Variants in TMEM232 observed in about 807,000 individuals in gnomAD.
TMEM232 encodes transmembrane protein 232.
A neutral mutation model predicts 78.8 loss-of-function variants in TMEM232; 80 were observed. The observed-to-expected ratio is 1.01, with a 90% CI of 0.85 to 1.22. The LOEUF (loss-of-function observed/expected upper bound fraction) is 1.22. Among genes scored for constraint, TMEM232 ranks in the 50% most tolerant of loss-of-function variants. The probability of loss-of-function intolerance (pLI) is 0.00; values close to 1 mark genes in which losing one functional copy is unlikely to be tolerated. For synonymous variants in TMEM232, 297 were observed against 254.3 expected, an observed-to-expected ratio of 1.17 and a Z score of -1.60; for missense variants, 881 against 742.2, an observed-to-expected ratio of 1.19 and a Z score of -2.17.
At chr5:110,698,509 C>T (rs1795067786) in intron 1 of TMEM232, among the ~76,000 whole-genome samples, 2 of 151,962 alleles carry the variant, frequency 1.3e-5, no homozygotes, top group African/African-American at 4.8e-5. Context: ...ATGGCATAGT[C>T]GGCAGAATTC....
intron 3 of TMEM232, among the ~76,000 whole-genome samples, chr5:110,391,060 G>A (rs1341000848): frequency 1.3e-5 from 2 of 152,138 alleles, no homozygotes; most frequent in Non-Finnish European, 2.9e-5. Flanking sequence ...CCTTTTGTTT[G>A]TTTATTAGTT....
chr5:110,598,974 C>T (rs1310733132), intron 10 of TMEM232, among the ~76,000 whole-genome samples: 1 of 151,482 alleles, frequency 6.6e-6, no homozygotes, highest in Admixed American at 6.6e-5. Flanking sequence ...AACTAACCTG[C>T]ACATTGTGCA....
At chr5:110,666,171 G>A (rs1790561780) in intron 2 of TMEM232, among the ~76,000 whole-genome samples, 1 of 152,072 alleles carries the variant, frequency 6.6e-6, no homozygotes, top group Admixed American at 6.6e-5. Flanking sequence ...TTTGAAATTT[G>A]TTTAAATGCA....
In TMEM232 at chr5:110,708,237, C is replaced by A. The variant is rs572473466; in HGVS notation, c.-13+18390G>T. On this transcript the variant is annotated intron_variant, in intron 1 of 13. Coordinates refer to ENST00000455884, the MANE Select transcript of TMEM232 (RefSeq NM_001039763.4). ...TCTTGGAATCCTGAATAGTATATAT[C>A]TGGTGAAAATATCCTTCAAGTATGA... Among the ~76,000 whole-genome samples the A allele has an allele frequency of 2.0e-5, 3 of 152,236 alleles. No individual in the cohort carries two copies. In the East Asian group the frequency reaches 5.8e-4, roughly 29 times the overall value.
At chr5:110,571,545 C>G (rs1371637106) in intron 10 of TMEM232, among the ~76,000 whole-genome samples, 2 of 151,872 alleles carry the variant, frequency 1.3e-5, no homozygotes, top group Admixed American at 6.6e-5. Flanking sequence ...AGAGGCCAGT[C>G]ATGGTGGCTC....
intron 12 of TMEM232, among the ~76,000 whole-genome samples, chr5:110,516,100 G>T (rs1001760550): frequency 6.6e-6 from 1 of 152,104 alleles, no homozygotes; most frequent in Non-Finnish European, 1.5e-5. Context: ...TTACCCGGGC[G>T]TGGTGGCAGG....
chr5:110,486,263 TG>T (rs1198399514), intron 12 of TMEM232, among the ~76,000 whole-genome samples: 1 of 152,072 alleles, frequency 6.6e-6, no homozygotes, highest in African/African-American at 2.4e-5. Flanking sequence ...TCCCACTCTG[TG>T]GGTTGTCTGT....
At chr5:110,652,074 C>G (rs1788393026) in intron 2 of TMEM232, among the ~76,000 whole-genome samples, 1 of 152,132 alleles carries the variant, frequency 6.6e-6, no homozygotes, top group Non-Finnish European at 1.5e-5. Context: ...AAGTATCACA[C>G]TCAAGGTTAT....
chr5:110,614,301 T>C (rs542249906), intron 8 of TMEM232, among the ~76,000 whole-genome samples: 27 of 152,256 alleles, frequency 1.8e-4, no homozygotes, highest in Middle Eastern at 6.8e-3. Context: ...GACAGTTGAA[T>C]GATGCATTGG....
At chr5:110,573,585 G>C (rs571449532) in intron 10 of TMEM232, among the ~76,000 whole-genome samples, 48 of 152,186 alleles carry the variant, frequency 3.2e-4, no homozygotes, top group African/African-American at 1.1e-3. Context: ...CCAATGGACA[G>C]AGACAGATAT....
intron 11 of TMEM232, among the ~76,000 whole-genome samples, chr5:110,558,993 T>C (rs1221041250): frequency 1.3e-5 from 2 of 152,266 alleles, no homozygotes; most frequent in Admixed American, 6.5e-5. Context: ...TCTTCCTCTG[T>C]CCACTCTTAG....
At chr5:110,571,645 G>A (rs766456743) in intron 10 of TMEM232, among the ~76,000 whole-genome samples, 13 of 151,696 alleles carry the variant, frequency 8.6e-5, no homozygotes, top group Admixed American at 5.3e-4. Context: ...GCAAAATACC[G>A]AGACCCTATC....
At chr5:110,508,964 A>ATG (rs1767331583) in intron 12 of TMEM232, among the ~76,000 whole-genome samples, 1 of 142,028 alleles carries the variant, frequency 7.0e-6, no homozygotes, top group South Asian at 2.1e-4. Context: ...ATGTGTATAT[A>ATG]TGTATATATA....
Position 110,459,206 on chromosome 5 carries a change from ACTGTATCAGTAGCAACT to A in TMEM232, c.1704-34307_1704-34291del, listed in dbSNP as rs371868836. On this transcript the variant is annotated intron_variant, in intron 12 of 13. Transcript: ENST00000455884. ...AAATATCAACTTTCTACTATTTTCA[ACTGTATCAGTAGCAACT>A]CTTGTCTCCTGATGGTAGGCAAGGT... Among the ~76,000 whole-genome samples, 990 of 152,196 alleles carry A rather than the reference ACTGTATCAGTAGCAACT, an allele frequency of 6.5e-3. 10 individuals are homozygous for A. The highest frequency in any genetic ancestry group is 0.022 in the African/African-American group (926 of 41,532).
At chr5:110,585,002 C>T (rs1335761479) in intron 10 of TMEM232, among the ~76,000 whole-genome samples, 1 of 151,896 alleles carries the variant, frequency 6.6e-6, no homozygotes, top group African/African-American at 2.4e-5. Flanking sequence ...GGGTCTTTTC[C>T]CTCTGTGTTC....
chr5:110,562,031 A>G (rs1415348665), intron 11 of TMEM232, among the ~76,000 whole-genome samples: 3 of 152,126 alleles, frequency 2.0e-5, no homozygotes, highest in Non-Finnish European at 2.9e-5. Context: ...CGTACAGAGC[A>G]CTGAATAAAT....
At chr5:110,613,957 C>T (rs949894068) in intron 8 of TMEM232, among the ~76,000 whole-genome samples, 3 of 151,868 alleles carry the variant, frequency 2.0e-5, no homozygotes, top group African/African-American at 7.3e-5. Flanking sequence ...CCTAAAAACA[C>T]AAATTATTCT....
intron 10 of TMEM232, among the ~76,000 whole-genome samples, chr5:110,590,954 T>G (rs1779449145): frequency 6.6e-6 from 1 of 152,090 alleles, no homozygotes; most frequent in African/African-American, 2.4e-5. Context: ...ACCGTCCTCA[T>G]GATCTAGTCA....
Position 110,625,587 on chromosome 5 carries a change from C to T in TMEM232, c.602-154G>A. 7.1e-6 allele frequency: 4 copies of T among 562,084 alleles called. No individual in the cohort carries two copies. The South Asian group carries it at 1.4e-4, about 20-fold the overall frequency. 34.8% of individuals were successfully genotyped at this position (562,084 alleles called of 1,614,324 possible). The stretch of plus-strand genomic sequence containing the variant: ...AAGATTTATAATGTTATGTATGCCC[C>T]CTGGTGGTATAATAGAATACTAGAC... On this transcript the variant is annotated intron_variant, in intron 6 of 13. Coordinates refer to ENST00000455884, the MANE Select transcript of TMEM232 (RefSeq NM_001039763.4).
Sources: gnomAD v4.1 joint callset for allele counts (sites outside exome capture counted in the v4.1 genomes callset) on GRCh38, gnomAD v4.1.1 for gene constraint, MANE v1.5 for transcripts, NCBI Gene and HGNC (gene_info 2026-07-23, HGNC 2026-07-21) for gene names.